Variants in DOCK3 observed in about 807,000 individuals in gnomAD.
The protein encoded by DOCK3 is dedicator of cytokinesis 3.
In DOCK3, 60 loss-of-function variants were observed where a neutral mutation model predicts 265.6. That is an observed-to-expected ratio of 0.23 (90% confidence interval 0.18 to 0.28). The LOEUF is 0.28. Ranked by LOEUF, DOCK3 falls within the 10% of genes least tolerant of loss-of-function variation. DOCK3 has a pLI of 1.00. For synonymous variants in DOCK3, 881 were observed against 938.0 expected, an observed-to-expected ratio of 0.94 and a Z score of 1.11; for missense variants, 1,981 against 2,594.3, an observed-to-expected ratio of 0.76 and a Z score of 5.14.
intron 5 of DOCK3, among the ~76,000 whole-genome samples, chr3:50,998,007 T>TG (rs1345898680): frequency 2.6e-5 from 4 of 152,200 alleles, no homozygotes; most frequent in African/African-American, 9.6e-5. Context: ...AATATAATGT[T>TG]GGGGTACTAT....
At chr3:50,716,562 T>TA (rs902585173) in intron 1 of DOCK3, among the ~76,000 whole-genome samples, 6 of 150,630 alleles carry the variant, frequency 4.0e-5, no homozygotes, top group Admixed American at 1.3e-4. Context: ...ATAATAAAAT[T>TA]AAAAAAAATT....
chr3:51,283,694 A>G (rs1444536983), intron 27 of DOCK3, among the ~76,000 whole-genome samples: 2 of 152,024 alleles, frequency 1.3e-5, no homozygotes, highest in African/African-American at 2.4e-5. Flanking sequence ...ATTTCAGACA[A>G]ACTCCTCTCC....
intron 1 of DOCK3, among the ~76,000 whole-genome samples, chr3:50,753,345 A>G (rs954487820): frequency 6.6e-6 from 1 of 151,786 alleles, no homozygotes; most frequent in African/African-American, 2.4e-5. Context: ...CCATAGGTGA[A>G]TTTTTCTTTT....
intron 9 of DOCK3, among the ~76,000 whole-genome samples, chr3:51,097,560 G>A (rs6799211): frequency 0.9 from 137,217 of 152,272 alleles, 62,023 homozygotes; most frequent in African/African-American, 0.95. Flanking sequence ...GGTGGGATCT[G>A]CTGAGCTAGA....
At chr3:51,070,659 A>G (rs1265650991) in intron 6 of DOCK3, among the ~76,000 whole-genome samples, 2 of 152,184 alleles carry the variant, frequency 1.3e-5, no homozygotes, top group African/African-American at 4.8e-5. Flanking sequence ...TTTTACTATA[A>G]GCATTAGAAA....
Position 50,841,696 on chromosome 3 carries a change from C to T in DOCK3, c.143C>T (p.Thr48Ile). 1 of 1,223,382 alleles carries T rather than the reference C, an allele frequency of 8.2e-7. No homozygotes were observed. The highest frequency in any genetic ancestry group is 2.1e-5 in the South Asian group (1 of 48,652). The allele number at this position is 1,223,382 out of a possible 1,614,324, so 75.8% of individuals were successfully genotyped here. ...KCEGWYRGVS[T>I]KKPNVKGIFP... ...TTAGGTTGGTACAGAGGAGTTTCAA[C>T]AAAGAAGCCAAATGTGAAGGTAATG... Residue 48 changes from threonine to isoleucine, a missense_variant, in exon 3 of 53, where the codon ACA (threonine) becomes ATA (isoleucine). Thr to Ile is a moderately conservative substitution (Grantham distance 89, BLOSUM62 -1). This residue lies in a region of DOCK3 where 456 missense variants were observed against 539.0 expected (regional missense o/e 0.85). Coordinates refer to ENST00000266037, the MANE Select transcript of DOCK3 (RefSeq NM_004947.5).
intron 2 of DOCK3, among the ~76,000 whole-genome samples, chr3:50,790,980 ATTTG>A (rs764623835): frequency 4.6e-5 from 7 of 151,664 alleles, no homozygotes; most frequent in Non-Finnish European, 1.5e-5. Flanking sequence ...GTTGTTATAA[ATTTG>A]TTTAAGTTCC....
At chr3:50,972,097 A>C (rs897929212) in intron 5 of DOCK3, among the ~76,000 whole-genome samples, 1 of 152,230 alleles carries the variant, frequency 6.6e-6, no homozygotes. Context: ...CTCACAGTCA[A>C]AATGTCTTCT....
chr3:51,009,108 G>C (rs142926016), intron 5 of DOCK3, among the ~76,000 whole-genome samples: 82 of 152,196 alleles, frequency 5.4e-4, no homozygotes, highest in African/African-American at 1.9e-3. Flanking sequence ...CCAGGCTTTG[G>C]TATCGGGATG....
intron 1 of DOCK3, among the ~76,000 whole-genome samples, chr3:50,755,517 AAG>A (rs1160091992): frequency 6.6e-6 from 1 of 152,198 alleles, no homozygotes; most frequent in East Asian, 1.9e-4. Flanking sequence ...GTTGATGTAA[AAG>A]AGAACCATTT....
chr3:51,169,271 A>G (rs1436581772), intron 12 of DOCK3, among the ~76,000 whole-genome samples: 2 of 152,332 alleles, frequency 1.3e-5, no homozygotes, highest in East Asian at 1.9e-4. Flanking sequence ...TTTCTATCAT[A>G]AAGACACATG....
chr3:50,983,604 G>A (rs946041922), intron 5 of DOCK3, among the ~76,000 whole-genome samples: 7 of 152,062 alleles, frequency 4.6e-5, no homozygotes, highest in Non-Finnish European at 7.4e-5. Context: ...ACACTCATTG[G>A]GATACCCTTG....
Position 51,225,645 on chromosome 3 carries a change from G to T in DOCK3, c.1253-4G>T, listed in dbSNP as rs766316665. On this transcript the variant is annotated splice_region_variant and splice_polypyrimidine_tract_variant and intron_variant, in intron 14 of 52. Coordinates refer to ENST00000266037, the MANE Select transcript of DOCK3 (RefSeq NM_004947.5). ...ATAAGGATGTGGCATTTCTTTCCCCGCAGGTGATATCCGCAATGACCTGTA... is the reference window on the plus strand; with the variant it reads ...ATAAGGATGTGGCATTTCTTTCCCCTCAGGTGATATCCGCAATGACCTGTA... 5.0e-6 allele frequency: 8 copies of T among 1,608,436 alleles called. No individual in the cohort carries two copies. The highest frequency in any genetic ancestry group is 5.9e-6 in the Non-Finnish European group (7 of 1,177,490).
At chr3:51,131,784 G>A (rs2084565414) in intron 9 of DOCK3, among the ~76,000 whole-genome samples, 1 of 152,102 alleles carries the variant, frequency 6.6e-6, no homozygotes, top group African/African-American at 2.4e-5. Context: ...CTGCCACCTG[G>A]CCCCTGCCAC....
chr3:50,989,513 T>C (rs909483866), intron 5 of DOCK3, among the ~76,000 whole-genome samples: 4 of 152,194 alleles, frequency 2.6e-5, no homozygotes, highest in Non-Finnish European at 4.4e-5. Context: ...TGCCACCAAC[T>C]GGATTACATC....
chr3:51,184,767 T>C (rs1047833900), intron 12 of DOCK3, among the ~76,000 whole-genome samples: 6 of 152,136 alleles, frequency 3.9e-5, no homozygotes, highest in African/African-American at 1.2e-4. Flanking sequence ...CTGAACTCTT[T>C]CTAAAAATAA....
intron 1 of DOCK3, among the ~76,000 whole-genome samples, chr3:50,679,733 A>G (rs1430374782): frequency 6.6e-6 from 1 of 152,238 alleles, no homozygotes; most frequent in Non-Finnish European, 1.5e-5. Context: ...AGGGAAGCCC[A>G]ACCTTTGCAA....
intron 22 of DOCK3, among the ~76,000 whole-genome samples, chr3:51,249,208 C>G (rs1186687465): frequency 8.0e-6 from 1 of 125,462 alleles, no homozygotes; most frequent in Admixed American, 7.8e-5. Context: ...GTGGGGGGGT[C>G]AGCCCCCCGC....
intron 1 of DOCK3, among the ~76,000 whole-genome samples, chr3:50,769,306 T>C (rs1351404168): frequency 6.6e-6 from 1 of 152,172 alleles, no homozygotes; most frequent in African/African-American, 2.4e-5. Context: ...TCTTTACTAG[T>C]AGCATTCAAT....
Sources: gnomAD v4.1 joint callset for allele counts (sites outside exome capture counted in the v4.1 genomes callset) on GRCh38, gnomAD v4.1.1 for gene constraint, gnomAD v4.1.1 regional missense constraint, MANE v1.5 for transcripts, NCBI Gene and HGNC (gene_info 2026-07-23, HGNC 2026-07-21) for gene names.